The following MTOR variants were observed in gnomAD, a reference collection of about 807,000 sequenced individuals.
MTOR encodes mechanistic target of rapamycin kinase.
In MTOR, 70 loss-of-function variants were observed where a neutral mutation model predicts 319.8. The ratio of observed to expected loss-of-function variants is 0.22; its 90% confidence interval spans 0.18 to 0.27. The LOEUF (loss-of-function observed/expected upper bound fraction) is 0.27. Ranked by LOEUF, MTOR falls within the 10% of genes least tolerant of loss-of-function variation. The pLI, the probability that MTOR is intolerant of heterozygous loss-of-function variation, is 1.00. For missense variants in MTOR, 1,890 were observed against 3,274.4 expected (o/e 0.58, Z 10.32); for synonymous variants, 1,183 against 1,211.4 (o/e 0.98, Z 0.49).
intron 28 of MTOR, chr1:11,189,374 T>C: frequency 6.4e-6 from 4 of 621,858 alleles, no homozygotes; most frequent in Non-Finnish European, 1.1e-5. Flanking sequence ...AGGAAAGCTA[T>C]AGGCTACCCA....
At chr1:11,251,502 C>A (rs986219509) in intron 6 of MTOR, among the ~76,000 whole-genome samples, 6 of 152,132 alleles carry the variant, frequency 3.9e-5, no homozygotes, top group African/African-American at 1.2e-4. Flanking sequence ...TATTATCTAT[C>A]TTCCCTTATA....
chr1:11,212,497 G>A lies in MTOR; in HGVS notation c.3399-23C>T, dbSNP rs145324743. The stretch of plus-strand genomic sequence containing the variant: ...GCCCTACAACAATCACTAACATACA[G>A]TAACTGCTAACATACAATCTCCAAG... On this transcript the variant is annotated intron_variant, in intron 22 of 57. Coordinates refer to ENST00000361445, the MANE Select transcript of MTOR (RefSeq NM_004958.4). This position sits in a 1 kb window ranked among gnomAD's most constrained non-coding sequence, Gnocchi z 4.1. 3.8e-5 allele frequency: 61 copies of A among 1,606,094 alleles called. No homozygotes were observed. In the East Asian group the frequency reaches 1.3e-3, roughly 35 times the overall value.
chr1:11,121,921 C>T lies in MTOR; in HGVS notation c.6810+58G>A, dbSNP rs777147044. 7.7e-5 allele frequency: 123 copies of T among 1,595,140 alleles called. No homozygotes were observed. Among genetic ancestry groups the T allele is most frequent in the Non-Finnish European group, 9.8e-5 (115 of 1,168,494 alleles). ...ATACAGAGAGGAATGAGAAAAGCAG[C>T]GCTACGGAGATTCCCTGCCACGGAA... On this transcript the variant is annotated intron_variant, in intron 48 of 57. Transcript: ENST00000361445. This position sits in a 1 kb window ranked among gnomAD's most constrained non-coding sequence, Gnocchi z 4.9.
chr1:11,254,384 C>T (rs1432145148), intron 5 of MTOR, among the ~76,000 whole-genome samples: 1 of 152,180 alleles, frequency 6.6e-6, no homozygotes, highest in Non-Finnish European at 1.5e-5. Context: ...AAGTGATCCA[C>T]CCATCTCAGC....
intron 36 of MTOR, 82 bp from the exon 37 acceptor site, chr1:11,134,548 C>T (rs1557760973): frequency 4.4e-6 from 5 of 1,132,248 alleles, no homozygotes. Flanking sequence ...ATCTGATAGG[C>T]ATGAGTCAAC....
At position 11,234,398 on chromosome 1, in the gene MTOR, T is replaced by C. The variant is rs551640176; in HGVS notation, c.2209-133A>G. On this transcript the variant is annotated intron_variant, in intron 13 of 57. Coordinates refer to ENST00000361445, the MANE Select transcript of MTOR (RefSeq NM_004958.4). The stretch of plus-strand genomic sequence containing the variant: ...CACGACAGATGAAGTAGCTGCTAGA[T>C]ACTCAATGAGCAACAGACTTTTCTG... The C allele has an allele frequency of 3.5e-5, 36 of 1,031,054 alleles. No individual in the cohort carries two copies. In the African/African-American group the frequency reaches 5.4e-4, roughly 16 times the overall value. The allele number at this position is 1,031,054 out of a possible 1,614,324, so 63.9% of individuals were successfully genotyped here.
At chr1:11,247,124 G>A (rs1569793875) in intron 8 of MTOR, among the ~76,000 whole-genome samples, 1 of 152,182 alleles carries the variant, frequency 6.6e-6, no homozygotes, top group East Asian at 1.9e-4. Flanking sequence ...GGCTATGATG[G>A]AAGAAGGCAA....
At chr1:11,193,016 A>G (rs940234519) in intron 28 of MTOR, among the ~76,000 whole-genome samples, 6 of 152,004 alleles carry the variant, frequency 3.9e-5, no homozygotes, top group African/African-American at 1.4e-4. Flanking sequence ...GCAGCATCAA[A>G]TTATCTGGAT....
Position 11,130,533 on chromosome 1 carries a change from G to C in MTOR, c.5609C>G (p.Thr1870Ser), listed in dbSNP as rs536888206. The C allele has an allele frequency of 9.9e-6, 16 of 1,612,912 alleles. No homozygotes were observed. In the East Asian group the frequency reaches 2.9e-4, roughly 29 times the overall value. Residue 1870 changes from threonine (T) to serine (S), a missense_variant, in exon 39 of 58, where the codon ACT becomes AGT. By Grantham distance (58) the Thr-to-Ser change is moderately conservative. This residue lies in a region of MTOR where 91 missense variants were observed against 90.4 expected (regional missense o/e 1.01). Coordinates refer to ENST00000361445, the MANE Select transcript of MTOR (RefSeq NM_004958.4). Reference protein sequence around the residue: ...PTPSPLQKKVTEDLSKTLLMY... With the variant: ...PTPSPLQKKVSEDLSKTLLMY... The stretch of plus-strand genomic sequence containing the variant: ...TAAGGAAGAAGGGAAGGGTACCTCA[G>C]TGACCTTCTTCTGCAGCGGCGATGG...
intron 28 of MTOR, among the ~76,000 whole-genome samples, chr1:11,179,326 T>C (rs1177216817): frequency 6.6e-6 from 1 of 152,224 alleles, no homozygotes; most frequent in Non-Finnish European, 1.5e-5. Context: ...GTGTAACTGC[T>C]AGCACTTTCT....
At chr1:11,226,362 T>A (rs1053318684) in intron 19 of MTOR, 11 of 152,120 alleles carry the variant, frequency 7.2e-5, no homozygotes, top group East Asian at 1.9e-4. Flanking sequence ...CGTATTTTTT[T>A]AAAAATAAAA....
At chr1:11,203,304 ATTTGT>A (rs1646039605) in intron 26 of MTOR, among the ~76,000 whole-genome samples, 1 of 152,202 alleles carries the variant, frequency 6.6e-6, no homozygotes, top group African/African-American at 2.4e-5. Flanking sequence ...AATTATCCTG[ATTTGT>A]TTTATTACAC....
At chr1:11,124,132 G>T (rs1039720417) in intron 47 of MTOR, among the ~76,000 whole-genome samples, 2 of 152,016 alleles carry the variant, frequency 1.3e-5, no homozygotes, top group Non-Finnish European at 2.9e-5. Flanking sequence ...GTCTCTCTAT[G>T]TTGTTTAGGC....
At chr1:11,118,601 G>A (rs942161219) in intron 49 of MTOR, among the ~76,000 whole-genome samples, 1 of 149,758 alleles carries the variant, frequency 6.7e-6, no homozygotes. Flanking sequence ...TTTCATAGGT[G>A]TGGTCTTTTT....
chr1:11,116,853 C>T, intron 50 of MTOR, 151 bp downstream of exon 50: 2 of 626,084 alleles, frequency 3.2e-6, no homozygotes, highest in Non-Finnish European at 5.6e-6. Flanking sequence ...CAATAGGGAA[C>T]TAAGGCTAAT....
At chr1:11,162,612 A>G (rs1644512220) in intron 29 of MTOR, among the ~76,000 whole-genome samples, 1 of 152,254 alleles carries the variant, frequency 6.6e-6, no homozygotes, top group Non-Finnish European at 1.5e-5. Context: ...AAGCCAGAAG[A>G]GAGTGGGGGC....
At chr1:11,151,603 G>A (rs983074561) in intron 30 of MTOR, among the ~76,000 whole-genome samples, 1 of 152,230 alleles carries the variant, frequency 6.6e-6, no homozygotes, top group Non-Finnish European at 1.5e-5. Context: ...CTGAGAATGT[G>A]CATTTGTAAC....
chr1:11,225,701 C>T (rs374785368), intron 19 of MTOR, among the ~76,000 whole-genome samples: 1 of 152,234 alleles, frequency 6.6e-6, no homozygotes, highest in African/African-American at 2.4e-5. Context: ...GGATTATAGG[C>T]ATGAGCCACC....
intron 28 of MTOR, chr1:11,189,707 C>T: frequency 1.2e-6 from 2 of 1,614,194 alleles, no homozygotes; most frequent in Non-Finnish European, 1.7e-6. Flanking sequence ...CTCAAAGCGG[C>T]CAACTGCTGT....
Sources: gnomAD v4.1 joint callset for allele counts (sites outside exome capture counted in the v4.1 genomes callset) on GRCh38, gnomAD v4.1.1 for gene constraint, gnomAD v4.1.1 regional missense constraint, Gnocchi (gnomAD v3.1) non-coding constraint, MANE v1.5 for transcripts, NCBI Gene and HGNC (gene_info 2026-07-23, HGNC 2026-07-21) for gene names.